CIRSR: variants seen among roughly 807,000 people sequenced by gnomAD.
The protein encoded by CIRSR is CBF1 (RBPJ) interacting corepressor 1.
chr2:174,395,230 G>C, the CIRSR span, among the ~76,000 whole-genome samples: 1 of 152,142 alleles, frequency 6.6e-6, no homozygotes, highest in African/African-American at 2.4e-5. Flanking sequence ...GTGATCCCTG[G>C]GATCCGAAAA....
chr2:174,378,747 C>T, the CIRSR span: 1 of 627,420 alleles, frequency 1.6e-6, no homozygotes, highest in Admixed American at 2.8e-5. Context: ...TTTAATTCAA[C>T]ATATATGATC....
chr2:174,358,227 A>G, the CIRSR span: 1 of 152,124 alleles, frequency 6.6e-6, no homozygotes, highest in African/African-American at 2.4e-5. Flanking sequence ...CACAATGAAG[A>G]TATTTTATTT....
At chr2:174,370,235 G>C in the CIRSR span, among the ~76,000 whole-genome samples, 1 of 152,178 alleles carries the variant, frequency 6.6e-6, no homozygotes, top group African/African-American at 2.4e-5. Context: ...AGTTTCTGTA[G>C]CAATAGGGTC....
At chr2:174,391,622 G>C in the CIRSR span, among the ~76,000 whole-genome samples, 1 of 152,064 alleles carries the variant, frequency 6.6e-6, no homozygotes, top group South Asian at 2.1e-4. Flanking sequence ...TCTGAGGTGG[G>C]AGAATAGTAG....
the CIRSR span, among the ~76,000 whole-genome samples, chr2:174,356,531 A>AAAGGAAGGAAGGAAGG: frequency 2.2e-5 from 3 of 133,568 alleles, no homozygotes; most frequent in East Asian, 2.1e-4. Flanking sequence ...AAGAAAGAAG[A>AAAGGAAGGAAGGAAGG]AAGGAAGGAA....
chr2:174,361,024 C>T, the CIRSR span, among the ~76,000 whole-genome samples: 1 of 152,112 alleles, frequency 6.6e-6, no homozygotes, highest in African/African-American at 2.4e-5. Context: ...CATCAAATCA[C>T]CTACATATTA....
At chr2:174,357,457 AC>A in the CIRSR span, among the ~76,000 whole-genome samples, 11 of 152,234 alleles carry the variant, frequency 7.2e-5, no homozygotes, top group Non-Finnish European at 1.5e-4. Context: ...TCTTGTAATC[AC>A]TTTCCCATGT....
chr2:174,352,713 GACA>G, the CIRSR span, among the ~76,000 whole-genome samples: 2 of 152,102 alleles, frequency 1.3e-5, no homozygotes, highest in African/African-American at 4.8e-5. Context: ...GCAAACTAAT[GACA>G]ACATTTCATG....
At chr2:174,348,265 C>T in the CIRSR span, 3 of 488,830 alleles carry the variant, frequency 6.1e-6, no homozygotes, top group Non-Finnish European at 1.0e-5. Context: ...GAAAATATTT[C>T]CACAGCCCCA....
the CIRSR span, chr2:174,380,873 A>G: frequency 7.3e-7 from 1 of 1,369,630 alleles, no homozygotes; most frequent in Non-Finnish European, 1.0e-6. Context: ...AAACTTCAAT[A>G]TAAAAATCTA....
the CIRSR span, chr2:174,348,785 A>G: frequency 2.5e-6 from 4 of 1,614,036 alleles, no homozygotes; most frequent in African/African-American, 1.3e-5. Flanking sequence ...ACTTTTTGTC[A>G]GAATCAGAAT....
At chr2:174,349,654 T>C in the CIRSR span, among the ~76,000 whole-genome samples, 1 of 151,892 alleles carries the variant, frequency 6.6e-6, no homozygotes, top group Non-Finnish European at 1.5e-5. Context: ...TTTAAAATTA[T>C]TCAAAGCGTG....
chr2:174,359,093 G>A, the CIRSR span, among the ~76,000 whole-genome samples: 4 of 152,136 alleles, frequency 2.6e-5, no homozygotes, highest in Admixed American at 2.0e-4. Context: ...TCAAAGAAAT[G>A]AGATACAAAA....
At chr2:174,389,387 T>C in the CIRSR span, among the ~76,000 whole-genome samples, 4 of 152,320 alleles carry the variant, frequency 2.6e-5, 1 homozygote, top group East Asian at 7.7e-4. Flanking sequence ...TAAAAGTCTC[T>C]CTTGCTAGGC....
At chr2:174,359,760 C>T in the CIRSR span, among the ~76,000 whole-genome samples, 1 of 152,184 alleles carries the variant, frequency 6.6e-6, no homozygotes, top group South Asian at 2.1e-4. Flanking sequence ...CACATGCACA[C>T]TTATGTTTAC....
chr2:174,395,466 C>G, the CIRSR span: 2 of 1,338,504 alleles, frequency 1.5e-6, no homozygotes, highest in South Asian at 1.2e-5. Flanking sequence ...CTAGGGATCT[C>G]AGAGACACCA....
the CIRSR span, among the ~76,000 whole-genome samples, chr2:174,349,366 A>T: frequency 6.6e-6 from 1 of 152,044 alleles, no homozygotes; most frequent in Non-Finnish European, 1.5e-5. Context: ...GGAGTTCGAG[A>T]CCAGCCTGAC....
the CIRSR span, among the ~76,000 whole-genome samples, chr2:174,359,026 G>A: frequency 2.5e-4 from 38 of 152,304 alleles, no homozygotes; most frequent in Non-Finnish European, 4.7e-4. Context: ...AATGAGTTAT[G>A]GGAATATGAA....
chr2:174,395,496 C>T, the CIRSR span: 585 of 1,531,818 alleles, frequency 3.8e-4, 8 homozygotes, highest in East Asian at 0.013. Flanking sequence ...CTTCCAGCAG[C>T]CTCTGGGAAG....
Sources: gnomAD v4.1 joint callset for allele counts (sites outside exome capture counted in the v4.1 genomes callset) on GRCh38, gnomAD v4.1.1 for gene constraint, MANE v1.5 for transcripts, NCBI Gene and HGNC (gene_info 2026-07-23, HGNC 2026-07-21) for gene names.